ATR: variants seen among roughly 807,000 people sequenced by gnomAD.
The protein encoded by ATR is ATR checkpoint kinase, also known as serine/threonine-protein kinase ATR.
ATR carries 142 observed loss-of-function variants against 305.3 expected under a neutral mutation model. That is an observed-to-expected ratio of 0.47 (90% CI 0.41 to 0.53). The LOEUF is 0.53. Among genes scored for constraint, ATR ranks in the 20% least tolerant of loss-of-function variants. The pLI, the probability that ATR is intolerant of heterozygous loss-of-function variation, is 0.00. For missense variants in ATR, 2,135 were observed against 3,133.1 expected (o/e 0.68, Z 7.60); for synonymous variants, 1,050 against 1,068.1 (o/e 0.98, Z 0.33).
intron 36 of ATR, among the ~76,000 whole-genome samples, chr3:142,471,289 C>T (rs963297432): frequency 6.6e-6 from 1 of 152,110 alleles, no homozygotes; most frequent in Non-Finnish European, 1.5e-5. Context: ...AATTTCCTTC[C>T]TTTTTAAAGC....
intron 22 of ATR, 130 bp downstream of exon 22, chr3:142,523,863 A>T (rs1316412611): frequency 9.1e-6 from 9 of 988,006 alleles, no homozygotes; most frequent in Non-Finnish European, 1.2e-5. Context: ...ATAAACTCAG[A>T]AGTTAACTGA....
chr3:142,536,245 G>T, intron 19 of ATR, 44 bp from the exon 20 acceptor site: 1 of 1,355,902 alleles, frequency 7.4e-7, no homozygotes, highest in Non-Finnish European at 1.1e-6. Context: ...CCAAGAATAT[G>T]AATACTAAAA....
At chr3:142,463,797 A>G (rs1028326940) in intron 41 of ATR, among the ~76,000 whole-genome samples, 1 of 152,202 alleles carries the variant, frequency 6.6e-6, no homozygotes, top group African/African-American at 2.4e-5. Context: ...GCAGACTATA[A>G]CTTTTTTTAA....
intron 4 of ATR, among the ~76,000 whole-genome samples, chr3:142,561,658 T>C (rs752343213): frequency 2.9e-4 from 44 of 152,122 alleles, no homozygotes; most frequent in Non-Finnish European, 4.9e-4. Context: ...GTTTTTCCTC[T>C]TACCAAAATG....
chr3:142,556,562 T>C lies in ATR; in HGVS notation c.1899A>G (p.Gln633=), dbSNP rs1245824428. Residue 633 remains glutamine, a synonymous_variant, in exon 9 of 47, where the codon CAA becomes CAG. Coordinates refer to ENST00000350721, the MANE Select transcript of ATR (RefSeq NM_001184.4). The part of the protein sequence containing the change: ...RISDSYSPQA[Q]SRCVFLLTLF... ...GAGTCAGAAGAAACACACATCGTGA[T>C]TGTGCCTGTGGTGCTGAAAAAATTA... 9 of 1,613,938 alleles carry C rather than the reference T, an allele frequency of 5.6e-6. No homozygotes were observed. The highest frequency in any genetic ancestry group is 3.3e-5 in the Admixed American group (2 of 59,998).
intron 1 of ATR, among the ~76,000 whole-genome samples, chr3:142,570,968 A>G (rs899617479): frequency 4.6e-5 from 7 of 152,186 alleles, no homozygotes; most frequent in African/African-American, 1.4e-4. Flanking sequence ...TAAGCAACCA[A>G]TTCTTGAGAT....
intron 27 of ATR, among the ~76,000 whole-genome samples, chr3:142,511,736 G>A (rs2032577951): frequency 6.6e-6 from 1 of 152,122 alleles, no homozygotes; most frequent in Admixed American, 6.5e-5. Flanking sequence ...TTGTCGAAGT[G>A]AGAGTAAGAA....
intron 36 of ATR, among the ~76,000 whole-genome samples, chr3:142,482,544 G>A (rs1341385522): frequency 6.6e-6 from 1 of 152,076 alleles, no homozygotes; most frequent in Non-Finnish European, 1.5e-5. Context: ...TTTTTCAAAA[G>A]AACTGGGCCA....
Position 142,542,690 on chromosome 3 carries a change from C to T in ATR, c.3425G>A (p.Ser1142Asn). The T allele has an allele frequency of 6.2e-7, 1 of 1,613,336 alleles. No individual in the cohort carries two copies. Among genetic ancestry groups the T allele is most frequent in the South Asian group, 1.1e-5 (1 of 91,052 alleles). Reference protein sequence around the residue: ...AFFNMQLLSSSVGIEDKKMAL... With the variant: ...AFFNMQLLSSNVGIEDKKMAL... The stretch of plus-strand genomic sequence containing the variant: ...CATTTTCTTATCTTCAATGCCAACA[C>T]TAGAGCTCAGTAACTGCATGTTAAA... Residue 1142 changes from serine to asparagine, a missense_variant, in exon 17 of 47, where the codon AGT (serine) becomes AAT (asparagine). Physicochemically the swap from Ser to Asn is conservative, Grantham distance 46. Around this residue, in one of 9 missense-constraint regions of ATR, gnomAD observed 530 missense variants for 766.8 expected, o/e 0.69. Transcript: ENST00000350721.
intron 8 of ATR, among the ~76,000 whole-genome samples, chr3:142,558,213 T>C (rs1000106366): frequency 1.3e-5 from 2 of 151,912 alleles, no homozygotes; most frequent in Non-Finnish European, 1.5e-5. Context: ...AAGTCCTATA[T>C]AGAGATGAGT....
chr3:142,571,209 T>C (rs925358995), intron 1 of ATR, among the ~76,000 whole-genome samples: 2 of 152,172 alleles, frequency 1.3e-5, no homozygotes, highest in Non-Finnish European at 2.9e-5. Context: ...GGCTCACGCC[T>C]GTAATACGAG....
chr3:142,563,017 A>G lies in ATR; in HGVS notation c.385T>C (p.Ser129Pro), dbSNP rs1239087695. Residue 129 changes from serine to proline, a missense_variant, in exon 4 of 47, where the codon TCA becomes CCA. By Grantham distance (74) the Ser-to-Pro change is moderately conservative. Transcript: ENST00000350721. ...LHKKICEVIC[S>P]LLFLFKSKSP... ...TTGCTTTTAAAAAGAAATAATAATG[A>G]ACAGATGACTTCACAGATTTTCTTG... 1.2e-6 allele frequency: 2 copies of G among 1,600,286 alleles called. No individual in the cohort carries two copies. The highest frequency in any genetic ancestry group is 2.2e-5 in the East Asian group (1 of 44,828).
At chr3:142,545,604 A>G (rs949279589) in intron 16 of ATR, among the ~76,000 whole-genome samples, 2 of 152,162 alleles carry the variant, frequency 1.3e-5, no homozygotes, top group Admixed American at 1.3e-4. Flanking sequence ...TAAAAAGAGC[A>G]CTCCAAAGGC....
intron 34 of ATR, 25 bp downstream of exon 34, chr3:142,496,336 A>ATATCTATATATATC (rs531114901): frequency 3.8e-6 from 2 of 522,178 alleles, no homozygotes; most frequent in African/African-American, 6.9e-5. Context: ...ATATATATAT[A>ATATCTATATATATC]TGATGACATT....
intron 25 of ATR, 67 bp downstream of exon 25, chr3:142,515,328 T>C: frequency 6.3e-7 from 1 of 1,586,906 alleles, no homozygotes; most frequent in Non-Finnish European, 8.6e-7. Context: ...GTGCTAGGCA[T>C]TCAGATAGAT....
Position 142,565,676 on chromosome 3 carries a change from C to T in ATR, c.292+445G>A, listed in dbSNP as rs2035041944. 2.7e-5 allele frequency among the ~76,000 whole-genome samples: 4 copies of T among 146,082 alleles called. No individual in the cohort carries two copies. The South Asian group carries it at 8.7e-4, about 32-fold the overall frequency. On this transcript the variant is annotated intron_variant, in intron 3 of 46. Coordinates refer to ENST00000350721, the MANE Select transcript of ATR (RefSeq NM_001184.4). ...TGCAGGAGGCTGAGGCAGGAGGATC[C>T]CTTGAGTCTACCAGTTCAAGACCAG...
chr3:142,576,815 G>A (rs2035455616), intron 1 of ATR, among the ~76,000 whole-genome samples: 1 of 152,192 alleles, frequency 6.6e-6, no homozygotes, highest in African/African-American at 2.4e-5. Context: ...AGATTATGCA[G>A]AGCAGACTGC....
intron 46 of ATR, chr3:142,450,459 T>G: frequency 6.2e-7 from 1 of 1,601,020 alleles, no homozygotes; most frequent in South Asian, 1.1e-5. Flanking sequence ...ACAGAGCTAT[T>G]ACTCACTTAA....
At chr3:142,462,687 C>T (rs986622176) in intron 41 of ATR, among the ~76,000 whole-genome samples, 4 of 152,118 alleles carry the variant, frequency 2.6e-5, no homozygotes, top group African/African-American at 9.7e-5. Context: ...CCAGGATGGT[C>T]TCGATCTCCT....
Sources: allele counts gnomAD v4.1 joint callset (sites outside exome capture counted in the v4.1 genomes callset), GRCh38; gene constraint gnomAD v4.1.1; regional missense constraint gnomAD v4.1.1; transcripts MANE v1.5; gene names NCBI Gene and HGNC (gene_info 2026-07-23, HGNC 2026-07-21).